The following NID1 variants were observed in gnomAD, a reference collection of about 807,000 sequenced individuals.
NID1 encodes nidogen-1.
NID1 carries 76 observed loss-of-function variants against 130.6 expected under a neutral mutation model. That is an observed-to-expected ratio of 0.58 (90% CI 0.48 to 0.70). The LOEUF (loss-of-function observed/expected upper bound fraction) is 0.70. NID1 is among the 30% of genes least tolerant of loss of function. The pLI, the probability that NID1 is intolerant of heterozygous loss-of-function variation, is 0.00. For synonymous variants in NID1, 665 were observed against 675.1 expected (o/e 0.98, Z 0.23); for missense variants, 1,517 against 1,664.8 (o/e 0.91, Z 1.54).
intron 1 of NID1, among the ~76,000 whole-genome samples, chr1:236,061,622 C>T (rs1660038920): frequency 6.6e-6 from 1 of 152,052 alleles, no homozygotes; most frequent in African/African-American, 2.4e-5. Context: ...CACGCCACCA[C>T]ACCTGGCTGT....
Position 235,981,671 on chromosome 1 carries a change from C to T in NID1, c.3167G>A (p.Arg1056Gln), listed in dbSNP as rs772392116. 9 of 1,614,080 alleles carry T rather than the reference C, an allele frequency of 5.6e-6. No homozygotes were observed. Among genetic ancestry groups the T allele is most frequent in the South Asian group, 2.2e-5 (2 of 91,086 alleles). ...CACCAAGTCAGTCTCAAAGAGCACC[C>T]GGCGCTGCGTGCCGTCCAGCTTCGC... ...EVAKLDGTQRRVLFETDLVNP... is the reference protein window; with the variant it reads ...EVAKLDGTQRQVLFETDLVNP... The change falls in exon 16 of 20, where the codon CGG (arginine) becomes CAG (glutamine). Residue 1056 changes from arginine to glutamine, a missense_variant. Arg to Gln is a conservative substitution (Grantham distance 43). Coordinates refer to ENST00000264187, the MANE Select transcript of NID1 (RefSeq NM_002508.3).
rs552089528 is a variant in NID1 at position 236,050,377 on chromosome 1, A to C, written c.226-1388T>G. Among the ~76,000 whole-genome samples the C allele has an allele frequency of 9.8e-4, 149 of 152,020 alleles. 1 individual carries two copies. The highest frequency in any genetic ancestry group is 3.5e-3 in the African/African-American group (145 of 41,468). On this transcript the variant is annotated intron_variant, in intron 1 of 19. Transcript: ENST00000264187. Reference sequence around the variant, plus strand: ...GAGACCAGCCTGACCAACATGGTGAAACCCTGTCTCTAATAAAAATACAAA... The same window carrying C: ...GAGACCAGCCTGACCAACATGGTGACACCCTGTCTCTAATAAAAATACAAA...
intron 2 of NID1, 147 bp downstream of exon 2, chr1:236,048,543 C>T (rs113808725): frequency 8.5e-6 from 7 of 825,482 alleles, no homozygotes; most frequent in Non-Finnish European, 1.3e-5. Flanking sequence ...TTGGGACCTG[C>T]AATAACCAGC....
chr1:236,064,869 T>C lies in NID1; in HGVS notation c.211A>G (p.Ile71Val), dbSNP rs1322687033. Residue 71 changes from isoleucine to valine, a missense_variant, in exon 1 of 20, where the codon ATC becomes GTC. Transcript: ENST00000264187. Reference sequence around the variant, plus strand: ...GGCTCACTCACGTAGACTGCGTCGATGTCGGATCTGTCGTAGAAGCGGAGC... The same window carrying C: ...GGCTCACTCACGTAGACTGCGTCGACGTCGGATCTGTCGTAGAAGCGGAGC... ...GALRFYDRSD[I>V]DAVYVTTNGI... 1.1e-5 allele frequency: 17 copies of C among 1,611,746 alleles called. No individual in the cohort carries two copies. The highest frequency in any genetic ancestry group is 2.2e-5 in the South Asian group (2 of 90,872).
chr1:236,025,282 GAC>G (rs1658892883), intron 8 of NID1, among the ~76,000 whole-genome samples: 1 of 114,518 alleles, frequency 8.7e-6, no homozygotes, highest in South Asian at 3.4e-4. Context: ...TTTTTTTTGA[GAC>G]AGAGTCTCAC....
At chr1:236,014,224 T>A (rs1572596361) in intron 10 of NID1, among the ~76,000 whole-genome samples, 1 of 118,472 alleles carries the variant, frequency 8.4e-6, no homozygotes, top group African/African-American at 3.1e-5. Flanking sequence ...CCCTCAACTC[T>A]CTCTCTCTCT....
At chr1:236,049,527 C>T (rs1224473850) in intron 1 of NID1, among the ~76,000 whole-genome samples, 1 of 152,018 alleles carries the variant, frequency 6.6e-6, no homozygotes, top group Non-Finnish European at 1.5e-5. Context: ...CCAGCCCCCA[C>T]CTTTTAAGAA....
At chr1:236,002,481 C>T (rs1049333899) in intron 12 of NID1, among the ~76,000 whole-genome samples, 1 of 151,746 alleles carries the variant, frequency 6.6e-6, no homozygotes, top group Non-Finnish European at 1.5e-5. Flanking sequence ...CCAGTCTGAG[C>T]AACAGAGCGA....
In NID1 at chr1:236,038,430, C is replaced by T. The variant is rs74149509; in HGVS notation, c.1136-177G>A. Among the ~76,000 whole-genome samples the T allele has an allele frequency of 3.6e-3, 546 of 152,252 alleles. 1 individual carries two copies. Among genetic ancestry groups the T allele is most frequent in the African/African-American group, 0.011 (450 of 41,542 alleles). On this transcript the variant is annotated intron_variant, in intron 4 of 19. Coordinates refer to ENST00000264187, the MANE Select transcript of NID1 (RefSeq NM_002508.3). ...CTACAGGTAGCCACTTAAATAGTTA[C>T]GTGAGCCTGGGCAACATGGTGAAAC... is the stretch of plus-strand genomic sequence containing the variant.
intron 12 of NID1, among the ~76,000 whole-genome samples, chr1:236,009,840 C>T (rs1016443327): frequency 2.0e-5 from 3 of 152,170 alleles, no homozygotes; most frequent in Admixed American, 6.5e-5. Context: ...TGAACACTCT[C>T]TCCAGTATAT....
chr1:236,045,398 C>T, intron 3 of NID1, 59 bp downstream of exon 3: 4 of 1,240,460 alleles, frequency 3.2e-6, no homozygotes, highest in South Asian at 1.2e-5. Context: ...ATACACATTA[C>T]ATTATCCACA....
intron 14 of NID1, among the ~76,000 whole-genome samples, chr1:235,989,534 T>C (rs191376319): frequency 1.3e-5 from 2 of 152,370 alleles, no homozygotes; most frequent in Non-Finnish European, 2.9e-5. Context: ...AAATACCACA[T>C]GAAACCAATA....
At chr1:236,052,248 C>T (rs775811771) in intron 1 of NID1, among the ~76,000 whole-genome samples, 3 of 152,196 alleles carry the variant, frequency 2.0e-5, no homozygotes, top group South Asian at 2.1e-4. Flanking sequence ...GTCAAATGCA[C>T]GATGCTCCTA....
At chr1:236,020,083 A>G (rs1558435511) in intron 9 of NID1, among the ~76,000 whole-genome samples, 1 of 151,086 alleles carries the variant, frequency 6.6e-6, no homozygotes, top group Non-Finnish European at 1.5e-5. Context: ...TTTTCTATAA[A>G]TTGAAGCCAG....
At chr1:236,054,117 GA>G (rs1325272773) in intron 1 of NID1, among the ~76,000 whole-genome samples, 1 of 151,594 alleles carries the variant, frequency 6.6e-6, no homozygotes, top group Non-Finnish European at 1.5e-5. Context: ...AAATTTTAAA[GA>G]AAAAAAAGAG....
At chr1:236,055,666 A>G (rs909612645) in intron 1 of NID1, among the ~76,000 whole-genome samples, 1 of 151,406 alleles carries the variant, frequency 6.6e-6, no homozygotes, top group African/African-American at 2.4e-5. Context: ...AAAAATAAAA[A>G]TAGAAAAAAA....
At position 236,048,858 on chromosome 1, in the gene NID1, C is replaced by T. The variant is rs1390514609; in HGVS notation, c.357G>A (p.Lys119=). ...GGGATAAGTCTTCTCGATAATAAAC[C>T]TTCCCCAGGCCATCGGTCGTGTCCA... ...ADLDTTDGLG[K]VYYREDLSPS... The change falls in exon 2 of 20, where the codon AAG becomes AAA. Residue 119 remains lysine, a synonymous_variant. Transcript: ENST00000264187. The T allele has an allele frequency of 1.9e-6, 3 of 1,614,140 alleles. No individual in the cohort carries two copies. The highest frequency in any genetic ancestry group is 1.7e-5 in the Admixed American group (1 of 60,000).
At chr1:236,032,368 G>T in intron 6 of NID1, 33 bp downstream of exon 6, 1 of 1,607,520 alleles carries the variant, frequency 6.2e-7, no homozygotes, top group South Asian at 1.1e-5. Flanking sequence ...ACTACTGTGT[G>T]ACCCACTAAT....
chr1:236,050,963 G>A (rs994071031), intron 1 of NID1, among the ~76,000 whole-genome samples: 1 of 151,920 alleles, frequency 6.6e-6, no homozygotes, highest in African/African-American at 2.4e-5. Context: ...AGTGCCTGCA[G>A]TCCCAGCTAC....
Sources: gnomAD v4.1 joint callset for allele counts (sites outside exome capture counted in the v4.1 genomes callset) on GRCh38, gnomAD v4.1.1 for gene constraint, MANE v1.5 for transcripts, NCBI Gene and HGNC (gene_info 2026-07-23, HGNC 2026-07-21) for gene names.